The following SZT2 variants were observed in gnomAD, a reference collection of about 807,000 sequenced individuals.
SZT2 encodes KICSTOR complex protein SZT2.
Under a neutral mutation model 404.2 loss-of-function variants are expected in SZT2, and 216 were observed. That is an observed-to-expected ratio of 0.53 (90% CI 0.48 to 0.60). The LOEUF (loss-of-function observed/expected upper bound fraction) is 0.60, where lower values mean the gene tolerates loss of function less well. Among genes scored for constraint, SZT2 ranks in the 20% least tolerant of loss-of-function variants. The pLI is 0.00. For missense variants in SZT2, 3,857 were observed against 4,459.2 expected (o/e 0.86, Z 3.85); for synonymous variants, 1,693 against 1,749.9 (o/e 0.97, Z 0.81).
intron 61 of SZT2, 22 bp from the exon 62 acceptor site, chr1:43,443,575 T>C: frequency 6.2e-7 from 1 of 1,613,910 alleles, no homozygotes; most frequent in Non-Finnish European, 8.5e-7. Flanking sequence ...GGGAGAGTCT[T>C]CCTTGATCTT....
At chr1:43,427,200 C>T in intron 24 of SZT2, 21 bp downstream of exon 24, 1 of 1,612,996 alleles carries the variant, frequency 6.2e-7, no homozygotes, top group Non-Finnish European at 8.5e-7. Flanking sequence ...CTGACCTCCT[C>T]ACGAACCCCC....
At chr1:43,402,137 A>C (rs980837667) in intron 1 of SZT2, among the ~76,000 whole-genome samples, 1 of 152,116 alleles carries the variant, frequency 6.6e-6, no homozygotes, top group Non-Finnish European at 1.5e-5. Flanking sequence ...TTTCTCCTCT[A>C]CTACCTGCTC....
At position 43,415,119 on chromosome 1, in the gene SZT2, G is replaced by A. The variant is rs769112314; in HGVS notation, c.536G>A (p.Arg179Gln). 1.1e-5 allele frequency: 17 copies of A among 1,597,898 alleles called. No homozygotes were observed. Among genetic ancestry groups the A allele is most frequent in the East Asian group, 2.2e-5 (1 of 44,882 alleles). ...VQGCLLDPSQ[R>Q]EVFLQQIYEQ... ...GGCTGCCTCTTGGACCCTTCCCAGC[G>A]GGAGGTGTTCCTGCAGCAGATATAT... Residue 179 changes from arginine to glutamine, a missense_variant, in exon 5 of 72, where the codon CGG (arginine) becomes CAG (glutamine). This residue lies in a region of SZT2 where 536 missense variants were observed against 637.4 expected (regional missense o/e 0.84). Coordinates refer to ENST00000634258, the MANE Select transcript of SZT2 (RefSeq NM_001365999.1).
chr1:43,440,164 CA>C (rs1654912617), intron 51 of SZT2, 116 bp downstream of exon 51: 1 of 1,377,658 alleles, frequency 7.3e-7, no homozygotes, highest in Non-Finnish European at 1.0e-6. Flanking sequence ...AGAACTACTA[CA>C]TCAGAACCAC....
chr1:43,396,305 C>G (rs188638529), intron 1 of SZT2, among the ~76,000 whole-genome samples: 1 of 152,224 alleles, frequency 6.6e-6, no homozygotes, highest in Non-Finnish European at 1.5e-5. Flanking sequence ...AGTAAAGACT[C>G]AGGGCTGTCA....
intron 1 of SZT2, among the ~76,000 whole-genome samples, chr1:43,402,790 A>G (rs1002267341): frequency 5.9e-5 from 9 of 152,186 alleles, no homozygotes; most frequent in African/African-American, 2.2e-4. Context: ...ACTGTCTGGC[A>G]TTCGTGTAAT....
In SZT2 at chr1:43,452,026, C is replaced by T. The variant is rs559706085; in HGVS notation, c.*1546C>T. ...CCACGAGGTCCTCCTAGCAGCATGT[C>T]GGGTGCTGTGAATAGAGCTCCTTCC... On this transcript the variant is annotated 3_prime_UTR_variant, in exon 72 of 72. Transcript: ENST00000634258. The T allele has an allele frequency of 1.8e-5, 28 of 1,598,986 alleles. No homozygotes were observed. The Admixed American group carries it at 2.0e-4, about 12-fold the overall frequency.
In SZT2 at chr1:43,452,812, G is replaced by T; in HGVS notation, c.*2332G>T. 1 of 1,367,588 alleles carries T rather than the reference G, an allele frequency of 7.3e-7. No individual in the cohort carries two copies. The highest frequency in any genetic ancestry group is 1.0e-6 in the Non-Finnish European group (1 of 985,168). 84.7% of individuals were successfully genotyped at this position (1,367,588 alleles called of 1,614,324 possible). ...GACATTTGAATCAGCCCCACTTTGAGCCGTCCACCTCCTCCCATCATCCCC... is the reference window on the plus strand; with the variant it reads ...GACATTTGAATCAGCCCCACTTTGATCCGTCCACCTCCTCCCATCATCCCC... On this transcript the variant is annotated 3_prime_UTR_variant, in exon 72 of 72. Coordinates refer to ENST00000634258, the MANE Select transcript of SZT2 (RefSeq NM_001365999.1).
In SZT2 at chr1:43,451,620, G is replaced by A. The variant is rs929299762; in HGVS notation, c.*1140G>A. On this transcript the variant is annotated 3_prime_UTR_variant, in exon 72 of 72. Transcript: ENST00000634258. ...AAGGACAGATGTGGGGATTGAAAGG[G>A]TGGGAGGGCAAAGGAAGGTCCTCTC... The A allele has an allele frequency of 1.2e-6, 2 of 1,614,068 alleles. No individual in the cohort carries two copies. Among genetic ancestry groups the A allele is most frequent in the Non-Finnish European group, 1.7e-6 (2 of 1,179,954 alleles).
intron 7 of SZT2, among the ~76,000 whole-genome samples, chr1:43,418,124 G>A (rs1399720078): frequency 3.3e-5 from 5 of 152,176 alleles, no homozygotes; most frequent in African/African-American, 1.2e-4. Flanking sequence ...TGAGGGGATT[G>A]AAGAGTGGAT....
rs1407460441 is a variant in SZT2 at position 43,390,001 on chromosome 1, G to A, written c.27+6G>A. 1 of 1,387,018 alleles carries A rather than the reference G, an allele frequency of 7.2e-7. No individual in the cohort carries two copies. The highest frequency in any genetic ancestry group is 9.3e-7 in the Non-Finnish European group (1 of 1,074,396). The allele number at this position is 1,387,018 out of a possible 1,614,324, so 85.9% of individuals were successfully genotyped here. Reference sequence around the variant, plus strand: ...CGGAGCGCCCGGAGCCGGAGGTGAGGGGCGGGCGGGCGCAGCACTGGGCCC... The same window carrying A: ...CGGAGCGCCCGGAGCCGGAGGTGAGAGGCGGGCGGGCGCAGCACTGGGCCC... On this transcript the variant is annotated splice_donor_region_variant and intron_variant, in intron 1 of 71. Transcript: ENST00000634258.
At chr1:43,447,419 C>T (rs1460398143) in intron 66 of SZT2, 126 bp from the exon 67 acceptor site, 5 of 1,337,942 alleles carry the variant, frequency 3.7e-6, no homozygotes, top group African/African-American at 1.5e-5. Flanking sequence ...TGCAGGAGCT[C>T]CTAAGGAAAG....
At position 43,446,724 on chromosome 1, in the gene SZT2, G is replaced by A. The variant is rs759710478; in HGVS notation, c.9073-231G>A. ...ATGGAATCTGGGATAGAGCAAAATG[G>A]CCCAGTTTCTGAAAATGGCCCTAGT... On this transcript the variant is annotated intron_variant, in intron 65 of 71. Coordinates refer to ENST00000634258, the MANE Select transcript of SZT2 (RefSeq NM_001365999.1). 8 of 619,192 alleles carry A rather than the reference G, an allele frequency of 1.3e-5. No homozygotes were observed. The East Asian group carries it at 2.2e-4, about 17-fold the overall frequency. The allele number at this position is 619,192 out of a possible 1,614,324, so 38.4% of individuals were successfully genotyped here. A position where few individuals can be genotyped will look rare whatever the true frequency, so the allele number is the denominator to read the frequency against.
At position 43,425,436 on chromosome 1, in the gene SZT2, G is replaced by GA; in HGVS notation, c.2646-37dup. 1 of 1,611,562 alleles carries GA rather than the reference G, an allele frequency of 6.2e-7. No homozygotes were observed. Among genetic ancestry groups the GA allele is most frequent in the Middle Eastern group, 1.7e-4 (1 of 6,048 alleles). On this transcript the variant is annotated intron_variant, in intron 18 of 71. Coordinates refer to ENST00000634258, the MANE Select transcript of SZT2 (RefSeq NM_001365999.1). The surrounding 1 kb of genome is among the most constrained non-coding windows in gnomAD (Gnocchi z 4.3). Reference sequence around the variant, plus strand: ...CTCCATGAGGTTCACTCCCTGCCATGAGGCTGTGCATTGGACTCAGAGCCC... The same window carrying GA: ...CTCCATGAGGTTCACTCCCTGCCATGAAGGCTGTGCATTGGACTCAGAGCCC...
chr1:43,446,921 A>G (rs374892688), intron 65 of SZT2, 34 bp from the exon 66 acceptor site: 84 of 1,592,172 alleles, frequency 5.3e-5, no homozygotes, highest in Non-Finnish European at 7.0e-5. Context: ...GTGCAGCCAT[A>G]CCTTAACCCT....
intron 1 of SZT2, chr1:43,394,062 C>A: frequency 1.0e-6 from 1 of 985,084 alleles, no homozygotes; most frequent in Non-Finnish European, 1.2e-6. Flanking sequence ...TAATGAACTT[C>A]AGACTCAAGG....
Position 43,426,751 on chromosome 1 carries a change from C to G in SZT2, c.3251C>G (p.Pro1084Arg). Residue 1084 changes from proline (P) to arginine (R), a missense_variant, in exon 23 of 72, where the codon CCG becomes CGG. Physicochemically the swap from Pro to Arg is moderately radical, Grantham distance 103 (BLOSUM62 -2). Coordinates refer to ENST00000634258, the MANE Select transcript of SZT2 (RefSeq NM_001365999.1). This position sits in a 1 kb window ranked among gnomAD's most constrained non-coding sequence, Gnocchi z 4.9. ...EGPLLGVHGI[P>R]KEQAVGSTQA... The stretch of plus-strand genomic sequence containing the variant: ...CCACTGCTGGGGGTTCATGGGATCC[C>G]GAAGGAGCAAGCAGTCGGCAGCACC... 1 of 1,613,460 alleles carries G rather than the reference C, an allele frequency of 6.2e-7. No individual in the cohort carries two copies. Among genetic ancestry groups the G allele is most frequent in the Non-Finnish European group, 8.5e-7 (1 of 1,179,784 alleles).
rs1652972790 is a variant in SZT2, at chr1:43,425,020, GT to G, written c.2551-92del. Reference sequence around the variant, plus strand: ...GAGGCTGCAGTCATAGGACAATTTGGTGAGGGAACTGAAATTCTGAGGGCCA... The same window carrying G: ...GAGGCTGCAGTCATAGGACAATTTGGGAGGGAACTGAAATTCTGAGGGCCA... On this transcript the variant is annotated intron_variant, in intron 17 of 71. Transcript: ENST00000634258. The surrounding 1 kb of genome is among the most constrained non-coding windows in gnomAD (Gnocchi z 4.3). The G allele has an allele frequency of 6.4e-7, 1 of 1,562,736 alleles. No homozygotes were observed.
intron 62 of SZT2, 165 bp from the exon 63 acceptor site, chr1:43,445,729 C>G (rs1655583020): frequency 2.8e-6 from 2 of 706,492 alleles, no homozygotes; most frequent in African/African-American, 3.5e-5. Context: ...GCCTTGCAGT[C>G]TAGACCTGGA....
Sources: allele counts gnomAD v4.1 joint callset (sites outside exome capture counted in the v4.1 genomes callset), GRCh38; gene constraint gnomAD v4.1.1; regional missense constraint gnomAD v4.1.1; non-coding constraint Gnocchi (gnomAD v3.1); transcripts MANE v1.5; gene names NCBI Gene and HGNC (gene_info 2026-07-23, HGNC 2026-07-21).